The following KCNT2 variants were observed in gnomAD, a reference collection of about 807,000 sequenced individuals.
The protein encoded by KCNT2 is potassium channel subfamily T member 2.
In KCNT2, 67 loss-of-function variants were observed where a neutral mutation model predicts 153.8. The ratio of observed to expected loss-of-function variants is 0.44; its 90% CI spans 0.36 to 0.53. KCNT2 has a LOEUF of 0.53. Ranked by LOEUF, KCNT2 falls within the 20% of genes least tolerant of loss-of-function variation. The pLI, the probability that KCNT2 is intolerant of heterozygous loss-of-function variation, is 0.00. For missense variants in KCNT2, 975 were observed against 1,354.8 expected (o/e 0.72, Z 4.40); for synonymous variants, 500 against 458.8 (o/e 1.09, Z -1.15).
intron 26 of KCNT2, among the ~76,000 whole-genome samples, chr1:196,246,897 CAAAT>C (rs1417214298): frequency 2.0e-5 from 3 of 151,664 alleles, no homozygotes; most frequent in Non-Finnish European, 2.9e-5. Context: ...CAGCAAAAAA[CAAAT>C]AAATAAATAA....
chr1:196,376,403 GA>G (rs1229430774), intron 13 of KCNT2, among the ~76,000 whole-genome samples: 1 of 151,706 alleles, frequency 6.6e-6, no homozygotes, highest in Non-Finnish European at 1.5e-5. Context: ...ATACTAAGTA[GA>G]AAAAATAAAG....
intron 22 of KCNT2, among the ~76,000 whole-genome samples, chr1:196,290,657 T>G (rs776199181): frequency 6.6e-6 from 1 of 151,976 alleles, no homozygotes; most frequent in South Asian, 2.1e-4. Flanking sequence ...ACTTATGTAC[T>G]ATAATTTTAA....
chr1:196,551,286 G>C (rs1462626946), intron 1 of KCNT2, among the ~76,000 whole-genome samples: 2 of 151,792 alleles, frequency 1.3e-5, no homozygotes, highest in Non-Finnish European at 2.9e-5. Flanking sequence ...GTTTTGGTTT[G>C]AAGAACAAAC....
At chr1:196,552,680 T>C (rs1478154910) in intron 1 of KCNT2, among the ~76,000 whole-genome samples, 2 of 151,374 alleles carry the variant, frequency 1.3e-5, no homozygotes, top group African/African-American at 2.4e-5. Context: ...GAAAGACTAA[T>C]TGATGAACCA....
chr1:196,430,414 C>G (rs1271202777), intron 8 of KCNT2, among the ~76,000 whole-genome samples: 2 of 151,474 alleles, frequency 1.3e-5, no homozygotes, highest in African/African-American at 4.9e-5. Context: ...CTCTTTCTCT[C>G]TCTCTTTCTC....
intron 12 of KCNT2, among the ~76,000 whole-genome samples, chr1:196,418,717 A>T (rs1672950530): frequency 6.6e-6 from 1 of 152,074 alleles, no homozygotes; most frequent in Non-Finnish European, 1.5e-5. Flanking sequence ...ATTAGAGCCC[A>T]CCCTAATGGC....
At chr1:196,238,647 T>C (rs1654667096) in intron 26 of KCNT2, among the ~76,000 whole-genome samples, 1 of 151,934 alleles carries the variant, frequency 6.6e-6, no homozygotes, top group Admixed American at 6.6e-5. Flanking sequence ...TTCTCTGCCA[T>C]GCTGCTTTGC....
chr1:196,411,783 C>A (rs537467416), intron 12 of KCNT2, among the ~76,000 whole-genome samples: 1 of 151,822 alleles, frequency 6.6e-6, no homozygotes, highest in African/African-American at 2.4e-5. Context: ...ATAGTTCTCC[C>A]TTATCCACAG....
chr1:196,474,916 A>C (rs1221860286), intron 5 of KCNT2, among the ~76,000 whole-genome samples: 1 of 152,202 alleles, frequency 6.6e-6, no homozygotes, highest in Non-Finnish European at 1.5e-5. Flanking sequence ...CATGGATGCT[A>C]ATTCATTATC....
At chr1:196,385,320 T>C (rs1669872029) in intron 13 of KCNT2, among the ~76,000 whole-genome samples, 1 of 152,190 alleles carries the variant, frequency 6.6e-6, no homozygotes. Context: ...CTGTACTGAA[T>C]ACTGTGGGCA....
rs71154738 is a variant in KCNT2 at position 196,342,420 on chromosome 1, C to CTATATA, written c.1404-198_1404-193dup. On this transcript the variant is annotated intron_variant, in intron 14 of 27. Transcript: ENST00000294725. The stretch of plus-strand genomic sequence containing the variant: ...AAGAGTTTCTAAAAAATTTTGAATA[C>CTATATA]TATATATATATATATATATATATAT... 5.3e-3 allele frequency among the ~76,000 whole-genome samples: 702 copies of CTATATA among 132,666 alleles called. 11 individuals are homozygous for CTATATA. The highest frequency in any genetic ancestry group is 0.017 in the African/African-American group (561 of 33,470). The allele number at this position is 132,666 out of a possible 152,430, so 87.0% of individuals were successfully genotyped here. A position where few individuals can be genotyped will look rare whatever the true frequency, so the allele number is the denominator to read the frequency against.
chr1:196,296,306 G>C (rs1660670248), intron 22 of KCNT2, among the ~76,000 whole-genome samples: 1 of 151,746 alleles, frequency 6.6e-6, no homozygotes, highest in Non-Finnish European at 1.5e-5. Context: ...AGTCAAAGAA[G>C]CCAAAGAACA....
chr1:196,507,540 G>A lies in KCNT2; in HGVS notation c.96-15199C>T, dbSNP rs1236314715. Among the ~76,000 whole-genome samples the A allele has an allele frequency of 2.0e-5, 3 of 152,232 alleles. No homozygotes were observed. The East Asian group carries it at 5.8e-4, about 29-fold the overall frequency. On this transcript the variant is annotated intron_variant, in intron 1 of 27. Coordinates refer to ENST00000294725, the MANE Select transcript of KCNT2 (RefSeq NM_198503.5). ...TGGCGACTGTATTTGTGGAAGTGCA[G>A]GTGGAGGGGTAACTCAGCAATTTTA...
intron 1 of KCNT2, among the ~76,000 whole-genome samples, chr1:196,499,201 G>A (rs551880041): frequency 2.0e-4 from 30 of 152,238 alleles, no homozygotes; most frequent in African/African-American, 5.1e-4. Context: ...TTAGTAAAGC[G>A]CAAGGCCCTG....
intron 25 of KCNT2, among the ~76,000 whole-genome samples, chr1:196,272,221 CT>C (rs1658130912): frequency 6.6e-6 from 1 of 151,748 alleles, no homozygotes; most frequent in South Asian, 2.1e-4. Context: ...GATAGAGTAG[CT>C]TAAAATCCAG....
At chr1:196,567,096 G>T (rs1006218001) in intron 1 of KCNT2, among the ~76,000 whole-genome samples, 1 of 152,004 alleles carries the variant, frequency 6.6e-6, no homozygotes, top group Non-Finnish European at 1.5e-5. Flanking sequence ...AACTTTACTT[G>T]ATGCATATTA....
intron 12 of KCNT2, among the ~76,000 whole-genome samples, chr1:196,419,579 A>G (rs908307139): frequency 3.3e-5 from 5 of 151,388 alleles, no homozygotes; most frequent in African/African-American, 1.2e-4. Context: ...AATCCAGTCT[A>G]TCATTGTTGG....
chr1:196,321,511 T>A (rs767887560), intron 19 of KCNT2, among the ~76,000 whole-genome samples: 1 of 151,986 alleles, frequency 6.6e-6, no homozygotes, highest in Admixed American at 6.6e-5. Context: ...AAGAAACTCA[T>A]GAATTTCAGT....
intron 27 of KCNT2, among the ~76,000 whole-genome samples, chr1:196,231,393 G>A (rs1225530102): frequency 1.3e-5 from 2 of 151,754 alleles, no homozygotes; most frequent in Non-Finnish European, 2.9e-5. Context: ...TTTAGTGACT[G>A]CTTCTTGAGC....
Sources: allele counts gnomAD v4.1 joint callset (sites outside exome capture counted in the v4.1 genomes callset), GRCh38; gene constraint gnomAD v4.1.1; transcripts MANE v1.5; gene names NCBI Gene and HGNC (gene_info 2026-07-23, HGNC 2026-07-21).